Variants in SEC61A2 observed in about 807,000 individuals in gnomAD.
The protein encoded by SEC61A2 is protein transport protein Sec61 subunit alpha isoform 2.
SEC61A2 carries 28 observed loss-of-function variants against 59.9 expected under a neutral mutation model. That is an observed-to-expected ratio of 0.47 (90% confidence interval 0.35 to 0.64). The LOEUF (loss-of-function observed/expected upper bound fraction) is 0.64, where lower values mean the gene tolerates loss of function less well. SEC61A2 is among the 30% of genes least tolerant of loss of function. SEC61A2 has a pLI of 0.01. For missense variants in SEC61A2, 340 were observed against 585.9 expected, an observed-to-expected ratio of 0.58 and a Z score of 4.33; for synonymous variants, 202 against 214.4, an observed-to-expected ratio of 0.94 and a Z score of 0.50.
chr10:12,155,181 G>T lies in SEC61A2; in HGVS notation c.463-597G>T. 2.1e-6 allele frequency: 1 copy of T among 473,390 alleles called. No homozygotes were observed. Among genetic ancestry groups the T allele is most frequent in the South Asian group, 8.3e-5 (1 of 12,020 alleles). 29.3% of individuals were successfully genotyped at this position (473,390 alleles called of 1,614,324 possible). ...ATTTACATTCAATCTTTGTCACTAT[G>T]TGTATAGAATGCATTTTTACATTGC... On this transcript the variant is annotated intron_variant, in intron 6 of 11. Coordinates refer to ENST00000298428, the MANE Select transcript of SEC61A2 (RefSeq NM_018144.4). This position sits in a 1 kb window ranked among gnomAD's most constrained non-coding sequence, Gnocchi z 4.3.
downstream of SEC61A2, chr10:12,169,834 T>C (rs1234559493): frequency 1.9e-5 from 6 of 323,602 alleles, no homozygotes; most frequent in Non-Finnish European, 3.3e-5. The surrounding 1 kb of genome is among the most constrained non-coding windows in gnomAD (Gnocchi z 4.8). Context: ...CTTAAGAAAC[T>C]GGTCTTAAAG....
Position 12,164,278 on chromosome 10 carries a change from A to G in SEC61A2, c.1255A>G (p.Thr419Ala). 1 of 1,612,880 alleles carries G rather than the reference A, an allele frequency of 6.2e-7. No homozygotes were observed. The highest frequency in any genetic ancestry group is 8.5e-7 in the Non-Finnish European group (1 of 1,179,984). ...MVHELNRYIP[T>A]AAAFGGLCIG... is the part of the protein sequence containing the mutation. ...GGTTCTGTCTCCTAGGTACATCCCCACCGCAGCTGCGTTTGGCGGTTTGTG... is the reference window on the plus strand; with the variant it reads ...GGTTCTGTCTCCTAGGTACATCCCCGCCGCAGCTGCGTTTGGCGGTTTGTG... The change falls in exon 12 of 12, where the codon ACC (threonine) becomes GCC (alanine). Residue 419 changes from threonine (T) to alanine (A), a missense_variant. Physicochemically the swap from Thr to Ala is moderately conservative, Grantham distance 58. Coordinates refer to ENST00000298428, the MANE Select transcript of SEC61A2 (RefSeq NM_018144.4). This position sits in a 1 kb window ranked among gnomAD's most constrained non-coding sequence, Gnocchi z 7.3.
At chr10:12,136,746 C>G (rs1424330145) in intron 3 of SEC61A2, among the ~76,000 whole-genome samples, 1 of 152,180 alleles carries the variant, frequency 6.6e-6, no homozygotes, top group Non-Finnish European at 1.5e-5. Flanking sequence ...TCTCCTGCCT[C>G]AGCCTCCCGA....
chr10:12,139,186 T>C (rs1211804202), intron 3 of SEC61A2, among the ~76,000 whole-genome samples: 1 of 151,750 alleles, frequency 6.6e-6, no homozygotes, highest in Admixed American at 6.6e-5. Flanking sequence ...GTTCTTGAAC[T>C]CCTGACCTCA....
chr10:12,146,720 A>T (rs555239462), intron 4 of SEC61A2, among the ~76,000 whole-genome samples: 1 of 151,576 alleles, frequency 6.6e-6, no homozygotes, highest in African/African-American at 2.4e-5. Flanking sequence ...GGGTTTCACC[A>T]TGTTAGCCAG....
downstream of SEC61A2, chr10:12,166,539 C>G (rs771635689): frequency 3.1e-6 from 1 of 318,834 alleles, no homozygotes; most frequent in Non-Finnish European, 6.4e-6. Context: ...AGACAGTGAG[C>G]CTGTGGACAA....
rs1834122036 is a variant in SEC61A2 at position 12,145,642 on chromosome 10, T to A, written c.220+2447T>A. Among the ~76,000 whole-genome samples, 1 of 152,206 alleles carries A rather than the reference T, an allele frequency of 6.6e-6. No individual in the cohort carries two copies. Among genetic ancestry groups the A allele is most frequent in the Non-Finnish European group, 1.5e-5 (1 of 68,032 alleles). On this transcript the variant is annotated intron_variant, in intron 4 of 11. Transcript: ENST00000298428. This position sits in a 1 kb window ranked among gnomAD's most constrained non-coding sequence, Gnocchi z 4.4. The stretch of plus-strand genomic sequence containing the variant: ...TTATTAGTGTGTTAGATTCCTTTTG[T>A]TGTAAGTAATAGGAAACTAGATGCT...
In SEC61A2 at chr10:12,142,795, T is replaced by TA. The variant is rs1834050543; in HGVS notation, c.142-321dup. On this transcript the variant is annotated intron_variant, in intron 3 of 11. Coordinates refer to ENST00000298428, the MANE Select transcript of SEC61A2 (RefSeq NM_018144.4). The surrounding 1 kb of genome is among the most constrained non-coding windows in gnomAD (Gnocchi z 5.4). ...TTCTGGTTCTTTTAATTATTTTTTT[T>TA]ATTAACCCTTATCTATGTGATGGAA... 1.3e-5 allele frequency among the ~76,000 whole-genome samples: 2 copies of TA among 152,242 alleles called. No individual in the cohort carries two copies. Among genetic ancestry groups the TA allele is most frequent in the South Asian group, 4.1e-4 (2 of 4,834 alleles).
At position 12,158,309 on chromosome 10, in the gene SEC61A2, T is replaced by C; in HGVS notation, c.975+204T>C. Reference sequence around the variant, plus strand: ...GCCCAAGCGCTTTTTATTATTTTGCTCTCTAGGAAGCACTTTCACATCTCA... The same window carrying C: ...GCCCAAGCGCTTTTTATTATTTTGCCCTCTAGGAAGCACTTTCACATCTCA... On this transcript the variant is annotated intron_variant, in intron 9 of 11. Coordinates refer to ENST00000298428, the MANE Select transcript of SEC61A2 (RefSeq NM_018144.4). The surrounding 1 kb of genome is among the most constrained non-coding windows in gnomAD (Gnocchi z 5.7). The C allele has an allele frequency of 1.9e-6, 1 of 540,504 alleles. No homozygotes were observed. 33.5% of individuals were successfully genotyped at this position (540,504 alleles called of 1,614,324 possible).
In SEC61A2 at chr10:12,153,049, A is replaced by G. The variant is rs1588641172; in HGVS notation, c.463-2729A>G. Reference sequence around the variant, plus strand: ...ACTCCAGCCTGGGCGACAGAGTGAGACTCTGTCTCAAAAAAAAAAAAAAAG... The same window carrying G: ...ACTCCAGCCTGGGCGACAGAGTGAGGCTCTGTCTCAAAAAAAAAAAAAAAG... On this transcript the variant is annotated intron_variant, in intron 6 of 11. Transcript: ENST00000298428. This position sits in a 1 kb window ranked among gnomAD's most constrained non-coding sequence, Gnocchi z 5.2. Among the ~76,000 whole-genome samples, 1 of 138,050 alleles carries G rather than the reference A, an allele frequency of 7.2e-6. No homozygotes were observed. Among genetic ancestry groups the G allele is most frequent in the East Asian group, 2.2e-4 (1 of 4,528 alleles). 90.6% of individuals were successfully genotyped at this position (138,050 alleles called of 152,430 possible). A position where few individuals can be genotyped will look rare whatever the true frequency, so the allele number is the denominator to read the frequency against.
chr10:12,168,027 A>AT (rs34620432), downstream of SEC61A2: 209,464 of 612,888 alleles, frequency 0.34, 15,296 homozygotes, highest in African/African-American at 0.46. The surrounding 1 kb of genome is among the most constrained non-coding windows in gnomAD (Gnocchi z 4.8). Context: ...AGGGATAATG[A>AT]TTTTTTTTTT....
chr10:12,147,233 G>T (rs888718947), intron 4 of SEC61A2, among the ~76,000 whole-genome samples: 11 of 152,106 alleles, frequency 7.2e-5, no homozygotes, highest in Admixed American at 2.0e-4. Context: ...TTGCCACGTG[G>T]AAGTTTTGTA....
intron 3 of SEC61A2, among the ~76,000 whole-genome samples, chr10:12,139,526 T>A (rs2131651807): frequency 6.6e-6 from 1 of 151,936 alleles, no homozygotes; most frequent in South Asian, 2.1e-4. Context: ...AGCTCACACC[T>A]ATAATCCCAG....
downstream of SEC61A2, among the ~76,000 whole-genome samples, chr10:12,168,326 G>A (rs1218943254): frequency 6.6e-6 from 1 of 152,004 alleles, no homozygotes; most frequent in Non-Finnish European, 1.5e-5. This position sits in a 1 kb window ranked among gnomAD's most constrained non-coding sequence, Gnocchi z 4.8. Context: ...ACCCAGCCAG[G>A]GATGATTTTA....
At chr10:12,148,275 C>T (rs1374848686) in intron 4 of SEC61A2, among the ~76,000 whole-genome samples, 20 of 128,614 alleles carry the variant, frequency 1.6e-4, no homozygotes, top group Non-Finnish European at 2.4e-4. Context: ...GACAGAATTT[C>T]GCTCTTGTTG....
At chr10:12,134,433 C>T (rs1017654221) in intron 2 of SEC61A2, among the ~76,000 whole-genome samples, 10 of 152,332 alleles carry the variant, frequency 6.6e-5, no homozygotes, top group African/African-American at 1.2e-4. Context: ...GGCCCACCTT[C>T]GCACAGTGCA....
chr10:12,157,772 A>T, intron 8 of SEC61A2, 136 bp from the exon 9 acceptor site: 3 of 751,248 alleles, frequency 4.0e-6, no homozygotes, highest in East Asian at 5.4e-5. Context: ...AAGTGTTGGG[A>T]TTACAGGCCT....
At position 12,145,215 on chromosome 10, in the gene SEC61A2, A is replaced by G. The variant is rs1177717466; in HGVS notation, c.220+2020A>G. Among the ~76,000 whole-genome samples the G allele has an allele frequency of 4.6e-5, 7 of 152,106 alleles. No homozygotes were observed. Among genetic ancestry groups the G allele is most frequent in the Admixed American group, 4.6e-4 (7 of 15,248 alleles). Reference sequence around the variant, plus strand: ...GGAAGATGGGAAACTTCTGCAGGCCACTAGGTTCCTTTCTTGTCATATATT... The same window carrying G: ...GGAAGATGGGAAACTTCTGCAGGCCGCTAGGTTCCTTTCTTGTCATATATT... On this transcript the variant is annotated intron_variant, in intron 4 of 11. Coordinates refer to ENST00000298428, the MANE Select transcript of SEC61A2 (RefSeq NM_018144.4). This position sits in a 1 kb window ranked among gnomAD's most constrained non-coding sequence, Gnocchi z 4.4.
At chr10:12,132,484 C>G (rs973371994) in intron 1 of SEC61A2, among the ~76,000 whole-genome samples, 8 of 149,888 alleles carry the variant, frequency 5.3e-5, no homozygotes, top group African/African-American at 2.0e-4. Context: ...CTTGGTGGCA[C>G]TCGCCTGTAA....
Sources: allele counts gnomAD v4.1 joint callset (sites outside exome capture counted in the v4.1 genomes callset), GRCh38; gene constraint gnomAD v4.1.1; non-coding constraint Gnocchi (gnomAD v3.1); transcripts MANE v1.5; gene names NCBI Gene and HGNC (gene_info 2026-07-23, HGNC 2026-07-21).